The following GATAD2A variants were observed in gnomAD, a reference collection of about 807,000 sequenced individuals.
The protein encoded by GATAD2A is transcriptional repressor p66-alpha.
A neutral mutation model predicts 68.5 loss-of-function variants in GATAD2A; 12 were observed. That is an observed-to-expected ratio of 0.18 (90% CI 0.11 to 0.28). GATAD2A has a LOEUF of 0.28. Ranked by LOEUF, GATAD2A falls within the 10% of genes least tolerant of loss-of-function variation. GATAD2A has a pLI of 1.00. For synonymous variants in GATAD2A, 410 were observed against 375.3 expected, an observed-to-expected ratio of 1.09 and a Z score of -1.07; for missense variants, 755 against 868.5, an observed-to-expected ratio of 0.87 and a Z score of 1.64.
chr19:19,504,688 C>T (rs1276726757), intron 11 of GATAD2A, among the ~76,000 whole-genome samples: 1 of 148,456 alleles, frequency 6.7e-6, no homozygotes, highest in Non-Finnish European at 1.5e-5. Context: ...TGCTATGTTG[C>T]CCAGGCTGGA....
rs899668659 is a variant in GATAD2A at position 19,507,758 on chromosome 19, T to A, written c.*2284T>A. 1.3e-5 allele frequency: 2 copies of A among 152,108 alleles called. No individual in the cohort carries two copies. The highest frequency in any genetic ancestry group is 2.9e-5 in the Non-Finnish European group (2 of 68,028). The allele number at this position is 152,108 out of a possible 1,614,324, so 9.4% of individuals were successfully genotyped here. ...CGTACATACTGTGATGTAAACTTTTTTTTTTTCCCCCCAGGGGGCAAAAGT... is the reference window on the plus strand; with the variant it reads ...CGTACATACTGTGATGTAAACTTTTATTTTTTCCCCCCAGGGGGCAAAAGT... On this transcript the variant is annotated 3_prime_UTR_variant, in exon 12 of 12. Transcript: ENST00000683918.
intron 1 of GATAD2A, among the ~76,000 whole-genome samples, chr19:19,430,637 G>A (rs1379425058): frequency 6.6e-6 from 1 of 152,080 alleles, no homozygotes; most frequent in Non-Finnish European, 1.5e-5. Context: ...AAGGGACAAC[G>A]GGGCTTCCTA....
intron 1 of GATAD2A, among the ~76,000 whole-genome samples, chr19:19,389,176 G>C (rs964118637): frequency 1.3e-5 from 2 of 152,006 alleles, no homozygotes; most frequent in Non-Finnish European, 2.9e-5. Context: ...ATGAATGCTG[G>C]CATTGAGAGA....
intron 1 of GATAD2A, among the ~76,000 whole-genome samples, chr19:19,417,399 C>T (rs1331273845): frequency 6.6e-6 from 1 of 152,188 alleles, no homozygotes; most frequent in Non-Finnish European, 1.5e-5. Context: ...CTGATTACCC[C>T]CCCACCCACT....
intron 2 of GATAD2A, among the ~76,000 whole-genome samples, chr19:19,473,129 T>A (rs7254150): frequency 0.076 from 11,543 of 152,130 alleles, 1,506 homozygotes; most frequent in African/African-American, 0.26. Flanking sequence ...GTTGTCCCCG[T>A]TAGTGGTGTG....
chr19:19,496,231 G>A lies in GATAD2A; in HGVS notation c.924+12G>A, dbSNP rs371903708. 9.9e-6 allele frequency: 16 copies of A among 1,610,850 alleles called. No homozygotes were observed. The African/African-American group carries it at 1.3e-4, about 13-fold the overall frequency. ...TCAACATCCCACAGGTGAGGGCTGC[G>A]CCACACTGTGCCAGGGAGAGTGTGT... On this transcript the variant is annotated intron_variant, in intron 7 of 11. Coordinates refer to ENST00000683918, the MANE Select transcript of GATAD2A (RefSeq NM_001384528.1).
intron 1 of GATAD2A, among the ~76,000 whole-genome samples, chr19:19,416,834 C>G (rs1460299005): frequency 6.6e-6 from 1 of 151,802 alleles, no homozygotes; most frequent in Non-Finnish European, 1.5e-5. Flanking sequence ...TCTATCTTGG[C>G]TCACTGCAAC....
At chr19:19,471,346 A>G (rs2058295215) in intron 2 of GATAD2A, among the ~76,000 whole-genome samples, 1 of 152,176 alleles carries the variant, frequency 6.6e-6, no homozygotes, top group Non-Finnish European at 1.5e-5. Context: ...TCAGCTTTAT[A>G]AACTACTCAT....
At chr19:19,479,831 CTTT>C (rs35537344) in intron 2 of GATAD2A, among the ~76,000 whole-genome samples, 31 of 85,588 alleles carry the variant, frequency 3.6e-4, no homozygotes, top group African/African-American at 1.2e-3. Context: ...GTGGCCCACT[CTTT>C]TTTTTTTTTT....
chr19:19,498,912 G>A (rs1043984228), intron 8 of GATAD2A, among the ~76,000 whole-genome samples, 190 bp downstream of exon 8: 1 of 152,254 alleles, frequency 6.6e-6, no homozygotes, highest in African/African-American at 2.4e-5. Context: ...TGGGGCCTCT[G>A]AGAGCCAGGC....
chr19:19,498,118 T>C (rs1301111989), intron 7 of GATAD2A, among the ~76,000 whole-genome samples: 1 of 152,256 alleles, frequency 6.6e-6, no homozygotes, highest in African/African-American at 2.4e-5. Flanking sequence ...CACCAGAACC[T>C]GGTGACAGCC....
chr19:19,424,797 G>A (rs1007182605), intron 1 of GATAD2A, among the ~76,000 whole-genome samples: 3 of 152,080 alleles, frequency 2.0e-5, no homozygotes, highest in African/African-American at 7.2e-5. Flanking sequence ...CCATATGACA[G>A]GTTAGGTGTT....
Position 19,505,796 on chromosome 19 carries a change from C to T in GATAD2A, c.*322C>T. The T allele has an allele frequency of 4.4e-6, 2 of 451,052 alleles. No homozygotes were observed. Among genetic ancestry groups the T allele is most frequent in the Non-Finnish European group, 7.7e-6 (2 of 258,760 alleles). The allele number at this position is 451,052 out of a possible 1,614,324, so 27.9% of individuals were successfully genotyped here. ...CCTTGGGGGCTGGTTCTGCTCCTGG[C>T]CCCCTTGTTCAGCCCCTGCCGGCAC... On this transcript the variant is annotated 3_prime_UTR_variant, in exon 12 of 12. Coordinates refer to ENST00000683918, the MANE Select transcript of GATAD2A (RefSeq NM_001384528.1).
chr19:19,495,634 TAAA>T (rs3067692), intron 5 of GATAD2A, 117 bp from the exon 6 acceptor site: 1,857 of 543,582 alleles, frequency 3.4e-3, no homozygotes, highest in South Asian at 4.2e-3. Flanking sequence ...CTCTGCTACT[TAAA>T]AAAAAAAAAA....
At chr19:19,426,848 C>T (rs188664824) in intron 1 of GATAD2A, among the ~76,000 whole-genome samples, 172 of 152,282 alleles carry the variant, frequency 1.1e-3, no homozygotes, top group Admixed American at 2.8e-3. Flanking sequence ...ATTTGAGAAG[C>T]GGAGGGAAGG....
intron 1 of GATAD2A, among the ~76,000 whole-genome samples, chr19:19,420,349 T>TG (rs2052241662): frequency 7.0e-6 from 1 of 143,132 alleles, no homozygotes; most frequent in African/African-American, 2.6e-5. Context: ...TTTTTTTTTT[T>TG]GATACGGGGT....
Position 19,492,616 on chromosome 19 carries a change from G to C in GATAD2A, c.438G>C (p.Lys146Asn), listed in dbSNP as rs2059876440. 1 of 1,614,200 alleles carries C rather than the reference G, an allele frequency of 6.2e-7. No homozygotes were observed. Among genetic ancestry groups the C allele is most frequent in the African/African-American group, 1.3e-5 (1 of 75,066 alleles). Residue 146 changes from lysine to asparagine, a missense_variant, in exon 4 of 12, where the codon AAG becomes AAC. Transcript: ENST00000683918. ...SSPEERERMI[K>N]QLKEELRLEE... ...CTGAAGAACGAGAAAGGATGATCAA[G>C]CAGCTGAAGGAAGAATTGAGGTTAG...
rs774239036 is a variant in GATAD2A, at chr19:19,494,358, T to C, written c.599T>C (p.Ile200Thr). Residue 200 changes from isoleucine (I) to threonine (T), a missense_variant, in exon 5 of 12, where the codon ATT (isoleucine) becomes ACT (threonine). Coordinates refer to ENST00000683918, the MANE Select transcript of GATAD2A (RefSeq NM_001384528.1). ...PPPLVRGTQNIPAGKPSLQTS... is the reference protein window; with the variant it reads ...PPPLVRGTQNTPAGKPSLQTS... ...CCGCTTGTTCGGGGCACTCAGAACA[T>C]TCCTGCTGGCAAGCCATCACTCCAG... 5.0e-6 allele frequency: 8 copies of C among 1,611,224 alleles called. No individual in the cohort carries two copies. In the South Asian group the frequency reaches 7.7e-5, roughly 15 times the overall value.
At chr19:19,469,442 A>AAAAAAAAAG (rs1909847266) in intron 2 of GATAD2A, among the ~76,000 whole-genome samples, 1 of 150,396 alleles carries the variant, frequency 6.6e-6, no homozygotes, top group African/African-American at 2.5e-5. Flanking sequence ...AAAAAAAAAG[A>AAAAAAAAAG]AAAAAAGATC....
Sources: gnomAD v4.1 joint callset for allele counts (sites outside exome capture counted in the v4.1 genomes callset) on GRCh38, gnomAD v4.1.1 for gene constraint, MANE v1.5 for transcripts, NCBI Gene and HGNC (gene_info 2026-07-23, HGNC 2026-07-21) for gene names.